Variants in ADGRG1 observed in about 807,000 individuals in gnomAD.
ADGRG1 encodes 7-transmembrane protein with no EGF-like N-terminal domains-1.
A neutral mutation model predicts 73.5 loss-of-function variants in ADGRG1; 53 were observed. The observed-to-expected ratio is 0.72, with a 90% CI of 0.58 to 0.91. The LOEUF (loss-of-function observed/expected upper bound fraction) is 0.91. Among genes scored for constraint, ADGRG1 ranks in the 40% least tolerant of loss-of-function variants. ADGRG1 has a pLI of 0.00. For synonymous variants in ADGRG1, 394 were observed against 374.4 expected (o/e 1.05, Z -0.60); for missense variants, 795 against 871.8 (o/e 0.91, Z 1.11).
At chr16:57,662,378 G>A (rs375852044) in intron 13 of ADGRG1, among the ~76,000 whole-genome samples, 1 of 151,616 alleles carries the variant, frequency 6.6e-6, no homozygotes. Flanking sequence ...TATGAGACGT[G>A]TGAAGACAAG....
chr16:57,651,729 C>A, intron 3 of ADGRG1, 107 bp downstream of exon 3: 1 of 1,510,946 alleles, frequency 6.6e-7, no homozygotes, highest in Non-Finnish European at 8.9e-7. Flanking sequence ...GAAGACTGGG[C>A]TTTGCTCACA....
At chr16:57,642,512 C>CA (rs1419892827) in intron 1 of ADGRG1, 2 of 982,188 alleles carry the variant, frequency 2.0e-6, no homozygotes, top group African/African-American at 1.7e-5. Flanking sequence ...GGTGTCCGTG[C>CA]AAAAAAGGCT....
At chr16:57,651,864 G>T in intron 3 of ADGRG1, 1 of 1,434,570 alleles carries the variant, frequency 7.0e-7, no homozygotes, top group Non-Finnish European at 9.1e-7. Context: ...GGGCAGGCAG[G>T]GGTGAGGATG....
At chr16:57,645,374 A>ACCACCCC in intron 1 of ADGRG1, 2 of 837,642 alleles carry the variant, frequency 2.4e-6, no homozygotes, top group Non-Finnish European at 1.4e-6. Context: ...TTCCCACCCC[A>ACCACCCC]CCACCCCCCA....
At chr16:57,646,558 A>G in intron 1 of ADGRG1, 1 of 985,434 alleles carries the variant, frequency 1.0e-6, no homozygotes, top group Non-Finnish European at 1.2e-6. Context: ...CTTGGGCCTC[A>G]GCCCCAGCAC....
upstream of ADGRG1, chr16:57,628,287 C>T: frequency 1.5e-6 from 1 of 685,580 alleles, no homozygotes; most frequent in Non-Finnish European, 1.8e-6. Flanking sequence ...GCCGTGGCAA[C>T]CCCGGCCTCT....
chr16:57,635,464 G>T (rs1334124392), intron 1 of ADGRG1: 1 of 985,338 alleles, frequency 1.0e-6, no homozygotes, highest in Non-Finnish European at 1.2e-6. Flanking sequence ...GGGGAGGACA[G>T]CCAGTGTCTC....
chr16:57,629,168 T>TG (rs1369532283), intron 1 of ADGRG1: 481 of 978,464 alleles, frequency 4.9e-4, no homozygotes, highest in Non-Finnish European at 5.5e-4. Flanking sequence ...AATGGGGAAA[T>TG]GGGGGGGTCT....
intron 8 of ADGRG1, 73 bp downstream of exon 8, chr16:57,656,344 G>A (rs2045726278): frequency 3.1e-6 from 5 of 1,611,744 alleles, no homozygotes; most frequent in Non-Finnish European, 8.5e-7. Context: ...TGGGGGAGGT[G>A]GGGTTAATCA....
At chr16:57,643,879 G>A (rs2041511430) in intron 1 of ADGRG1, 1 of 979,202 alleles carries the variant, frequency 1.0e-6, no homozygotes, top group Non-Finnish European at 1.2e-6. Flanking sequence ...CAGGACCCAT[G>A]GGTGCGGCTG....
intron 1 of ADGRG1, chr16:57,630,271 C>A: frequency 1.5e-6 from 1 of 672,620 alleles, no homozygotes; most frequent in Non-Finnish European, 1.8e-6. Flanking sequence ...TAACCATGGG[C>A]TGCCAAGTTG....
chr16:57,660,005 C>T (rs781705673), intron 11 of ADGRG1, among the ~76,000 whole-genome samples: 1 of 152,232 alleles, frequency 6.6e-6, no homozygotes, highest in Non-Finnish European at 1.5e-5. Flanking sequence ...GGGCTGAAAT[C>T]CAGTCCCGCT....
Position 57,653,252 on chromosome 16 carries a change from C to G in ADGRG1, c.537C>G (p.Leu179=). 1 of 1,612,704 alleles carries G rather than the reference C, an allele frequency of 6.2e-7. No homozygotes were observed. The highest frequency in any genetic ancestry group is 8.5e-7 in the Non-Finnish European group (1 of 1,179,958). Residue 179 remains leucine, a synonymous_variant, in exon 4 of 14, where the codon CTC becomes CTG. Transcript: ENST00000562631. ...AHNASVDMCE[L]KRDLQLLSQF... ...ATGCCTCGGTGGACATGTGCGAGCT[C>G]AAAAGGGACCTCCAGCTGCTCAGCC...
chr16:57,647,818 G>T (rs1191143911), intron 1 of ADGRG1: 1 of 972,078 alleles, frequency 1.0e-6, no homozygotes, highest in African/African-American at 1.8e-5. Context: ...CCTTGTGTGT[G>T]TCTGGATTTC....
chr16:57,651,423 A>C lies in ADGRG1; in HGVS notation c.288A>C (p.Arg96=). 1 of 1,614,112 alleles carries C rather than the reference A, an allele frequency of 6.2e-7. No homozygotes were observed. The highest frequency in any genetic ancestry group is 8.5e-7 in the Non-Finnish European group (1 of 1,180,012). The change falls in exon 3 of 14, where the codon CGA becomes CGC. Residue 96 remains arginine (R), a synonymous_variant. Coordinates refer to ENST00000562631, the MANE Select transcript of ADGRG1 (RefSeq NM_201525.4). ...ACCACTTCTGCCTCTACTGGAACCG[A>C]CATGCTGGGAGATTACATCTTCTCT... is the stretch of plus-strand genomic sequence containing the variant. The part of the protein sequence containing the change: ...GLYHFCLYWN[R]HAGRLHLLYG...
intron 11 of ADGRG1, chr16:57,660,509 C>G (rs2046825474): frequency 2.7e-6 from 2 of 742,956 alleles, no homozygotes; most frequent in African/African-American, 1.9e-5. Context: ...GACCCACAGG[C>G]CTTTCTCCCA....
chr16:57,655,065 G>A, intron 5 of ADGRG1: 1 of 985,252 alleles, frequency 1.0e-6, no homozygotes, highest in Non-Finnish European at 1.2e-6. Context: ...CTGGTTAGCT[G>A]GGAACCACCC....
chr16:57,659,641 T>C lies in ADGRG1; in HGVS notation c.1515T>C (p.Tyr505=). ...TCGTGGTGGAGGTCTTTGGCACCTA[T>C]GTCCCTGGCTACCTACTCAAGCTGA... ...YRLVVEVFGT[Y]VPGYLLKLSA... is the part of the protein sequence containing the mutation. The change falls in exon 11 of 14, where the codon TAT becomes TAC. Residue 505 remains tyrosine (Y), a synonymous_variant. Transcript: ENST00000562631. 3 of 1,614,048 alleles carry C rather than the reference T, an allele frequency of 1.9e-6. No homozygotes were observed. Among genetic ancestry groups the C allele is most frequent in the East Asian group, 4.5e-5 (2 of 44,878 alleles).
At chr16:57,654,245 C>A in intron 5 of ADGRG1, 112 bp downstream of exon 5, 2 of 1,108,178 alleles carry the variant, frequency 1.8e-6, no homozygotes, top group South Asian at 1.5e-5. Context: ...CTCCCTGGGG[C>A]CTCCCGAGAA....
Sources: gnomAD v4.1 joint callset for allele counts (sites outside exome capture counted in the v4.1 genomes callset) on GRCh38, gnomAD v4.1.1 for gene constraint, MANE v1.5 for transcripts, NCBI Gene and HGNC (gene_info 2026-07-23, HGNC 2026-07-21) for gene names.